Variants in STK39 observed in about 807,000 individuals in gnomAD.
The protein encoded by STK39 is serine/threonine kinase 39.
In STK39, 20 loss-of-function variants were observed where a neutral mutation model predicts 77.8. The ratio of observed to expected loss-of-function variants is 0.26; its 90% confidence interval spans 0.18 to 0.37. STK39 has a LOEUF of 0.37. Among genes scored for constraint, STK39 ranks in the 10% least tolerant of loss-of-function variants. The probability of loss-of-function intolerance (pLI) is 1.00; values close to 1 mark genes in which losing one functional copy is unlikely to be tolerated. For synonymous variants in STK39, 246 were observed against 234.1 expected (o/e 1.05, Z -0.47); for missense variants, 479 against 656.5 (o/e 0.73, Z 2.95).
At chr2:168,020,127 C>T (rs1326826346) in intron 14 of STK39, among the ~76,000 whole-genome samples, 1 of 151,702 alleles carries the variant, frequency 6.6e-6, no homozygotes, top group Non-Finnish European at 1.5e-5. Context: ...TAGTGAGGAC[C>T]CCTAAAGAGA....
intron 1 of STK39, among the ~76,000 whole-genome samples, chr2:168,224,517 C>G (rs1690256494): frequency 6.6e-6 from 1 of 151,702 alleles, no homozygotes; most frequent in African/African-American, 2.4e-5. Context: ...CTAAGCCAGG[C>G]ATTAGGTGAT....
In STK39 at chr2:168,126,196, C is replaced by A. The variant is rs569579373; in HGVS notation, c.1089+3345G>T. Among the ~76,000 whole-genome samples, 4 of 151,990 alleles carry A rather than the reference C, an allele frequency of 2.6e-5. No homozygotes were observed. The East Asian group carries it at 5.8e-4, about 22-fold the overall frequency. ...CTGTCTGTTTCTCTTTGAAAAACAGCGAACTGATAAGACAAAAATCAATGG... is the reference window on the plus strand; with the variant it reads ...CTGTCTGTTTCTCTTTGAAAAACAGAGAACTGATAAGACAAAAATCAATGG... On this transcript the variant is annotated intron_variant, in intron 10 of 17. Coordinates refer to ENST00000355999, the MANE Select transcript of STK39 (RefSeq NM_013233.3).
At chr2:168,237,099 C>G (rs1445847146) in intron 1 of STK39, among the ~76,000 whole-genome samples, 8 of 152,172 alleles carry the variant, frequency 5.3e-5, no homozygotes, top group Middle Eastern at 3.4e-3. Context: ...TCTTCCATTT[C>G]TTTGTATCCT....
chr2:168,158,704 AC>A (rs1250397595), intron 5 of STK39, among the ~76,000 whole-genome samples: 2 of 152,288 alleles, frequency 1.3e-5, no homozygotes, highest in Non-Finnish European at 1.5e-5. Flanking sequence ...TGACTTCCCC[AC>A]TGTAATTTAG....
chr2:168,114,823 C>T (rs4667560), intron 10 of STK39, among the ~76,000 whole-genome samples: 34,449 of 151,982 alleles, frequency 0.23, 4,046 homozygotes, highest in East Asian at 0.28. Context: ...ATGAAAACGG[C>T]GTGGTCTTAC....
intron 2 of STK39, among the ~76,000 whole-genome samples, chr2:168,174,890 T>C (rs900499737): frequency 5.3e-5 from 8 of 151,670 alleles, no homozygotes; most frequent in Non-Finnish European, 1.0e-4. Context: ...GAAGAACTTT[T>C]CTTGTCAGCC....
At chr2:168,065,115 T>C (rs1685760361) in intron 13 of STK39, among the ~76,000 whole-genome samples, 1 of 152,210 alleles carries the variant, frequency 6.6e-6, no homozygotes, top group African/African-American at 2.4e-5. Flanking sequence ...AGCAGTCTGG[T>C]AATCAATTCT....
chr2:168,105,687 AG>A (rs1686951073), intron 10 of STK39, among the ~76,000 whole-genome samples: 2 of 152,256 alleles, frequency 1.3e-5, no homozygotes, highest in African/African-American at 4.8e-5. Flanking sequence ...GTATTTTAGA[AG>A]GATTGCATGC....
In STK39 at chr2:168,135,732, G is replaced by A. The variant is rs149865156; in HGVS notation, c.974+2356C>T. On this transcript the variant is annotated intron_variant, in intron 8 of 17. Coordinates refer to ENST00000355999, the MANE Select transcript of STK39 (RefSeq NM_013233.3). Reference sequence around the variant, plus strand: ...TTACATTGCATAGATTTTTCCCCCCGCAAACTCAACCTACGTGTCTTTTCA... The same window carrying A: ...TTACATTGCATAGATTTTTCCCCCCACAAACTCAACCTACGTGTCTTTTCA... Among the ~76,000 whole-genome samples, 852 of 152,064 alleles carry A rather than the reference G, an allele frequency of 5.6e-3. 8 individuals carry two copies. The highest frequency in any genetic ancestry group is 0.02 in the African/African-American group (817 of 41,490).
chr2:168,078,029 T>A (rs1311686915), intron 10 of STK39, among the ~76,000 whole-genome samples: 1 of 152,144 alleles, frequency 6.6e-6, no homozygotes, highest in Admixed American at 6.6e-5. Context: ...ACTAAATGAT[T>A]TGCTCATTTA....
At chr2:168,091,042 C>T (rs1053175773) in intron 10 of STK39, among the ~76,000 whole-genome samples, 1 of 152,084 alleles carries the variant, frequency 6.6e-6, no homozygotes, top group Non-Finnish European at 1.5e-5. Context: ...CAAACAGACC[C>T]ATGTTGGTTC....
chr2:168,247,559 G>GCCGCCA lies in STK39; in HGVS notation c.-125_-124insTGGCGG. ...GCCCTCCCCGCCCGCCGCCGCCGCC[G>GCCGCCA]CCGTCCCCGCCGAAGCCAGCTAGGA... On this transcript the variant is annotated 5_prime_UTR_variant, in exon 1 of 18. Coordinates refer to ENST00000355999, the MANE Select transcript of STK39 (RefSeq NM_013233.3). The GCCGCCA allele has an allele frequency of 1.3e-6, 1 of 742,612 alleles. No homozygotes were observed. The highest frequency in any genetic ancestry group is 4.1e-5 in the South Asian group (1 of 24,278). The allele number at this position is 742,612 out of a possible 1,614,324, so 46.0% of individuals were successfully genotyped here.
At chr2:168,006,638 A>G (rs1354687539) in intron 16 of STK39, among the ~76,000 whole-genome samples, 20 of 152,178 alleles carry the variant, frequency 1.3e-4, no homozygotes, top group Non-Finnish European at 5.9e-5. Context: ...AAGCAAATTT[A>G]TGCATGCATG....
chr2:168,148,424 G>A (rs1418212270), intron 5 of STK39, among the ~76,000 whole-genome samples: 5 of 152,184 alleles, frequency 3.3e-5, no homozygotes, highest in Non-Finnish European at 7.3e-5. Context: ...GCTTTCTGCT[G>A]TCCTGACTCA....
At chr2:168,017,580 G>C (rs7597286) in intron 14 of STK39, among the ~76,000 whole-genome samples, 21,565 of 151,492 alleles carry the variant, frequency 0.14, 3,420 homozygotes, top group African/African-American at 0.39. Flanking sequence ...CCATGTTGGT[G>C]AGGCTGGTCC....
chr2:168,065,338 A>G lies in STK39; in HGVS notation c.1286T>C (p.Leu429Pro). 1 of 1,614,072 alleles carries G rather than the reference A, an allele frequency of 6.2e-7. No homozygotes were observed. The highest frequency in any genetic ancestry group is 1.1e-5 in the South Asian group (1 of 91,076). ...ASTIPEQIQS[L>P]SVHDSQGPPN... ...ACATACCTGAGAGTCGTGCACAGAGAGGGACTGTATTTGTTCGGGGATGGT... is the reference window on the plus strand; with the variant it reads ...ACATACCTGAGAGTCGTGCACAGAGGGGGACTGTATTTGTTCGGGGATGGT... Residue 429 changes from leucine (L) to proline (P), a missense_variant, in exon 13 of 18, where the codon CTC becomes CCC. By Grantham distance (98) the Leu-to-Pro change is moderately conservative. Around this residue, in one of 3 missense-constraint regions of STK39, gnomAD observed 244 missense variants for 296.8 expected, o/e 0.82. Transcript: ENST00000355999.
At chr2:168,013,937 T>C (rs754443968) in intron 15 of STK39, among the ~76,000 whole-genome samples, 2 of 152,090 alleles carry the variant, frequency 1.3e-5, no homozygotes, top group African/African-American at 2.4e-5. Flanking sequence ...GTCTGACACA[T>C]AGTAAATACT....
intron 16 of STK39, among the ~76,000 whole-genome samples, chr2:167,968,993 C>T (rs148284274): frequency 2.2e-4 from 33 of 152,218 alleles, no homozygotes; most frequent in African/African-American, 6.7e-4. Context: ...GCCAGGGTGC[C>T]GGGGTTCAAA....
intron 1 of STK39, among the ~76,000 whole-genome samples, chr2:168,192,321 T>A (rs573934981): frequency 6.6e-6 from 1 of 152,076 alleles, no homozygotes; most frequent in East Asian, 1.9e-4. Context: ...TTAGAGGAAA[T>A]CACTTAATAA....
Sources: allele counts gnomAD v4.1 joint callset (sites outside exome capture counted in the v4.1 genomes callset), GRCh38; gene constraint gnomAD v4.1.1; regional missense constraint gnomAD v4.1.1; transcripts MANE v1.5; gene names NCBI Gene and HGNC (gene_info 2026-07-23, HGNC 2026-07-21).